Variants in SP4 observed in about 807,000 individuals in gnomAD.
SP4 encodes the protein Sp4 transcription factor.
SP4 carries 19 observed loss-of-function variants against 72.8 expected under a neutral mutation model. The ratio of observed to expected loss-of-function variants is 0.26; its 90% CI spans 0.18 to 0.38. The LOEUF (loss-of-function observed/expected upper bound fraction) is 0.38. Among genes scored for constraint, SP4 ranks in the 10% least tolerant of loss-of-function variants. SP4 has a pLI of 1.00. For missense variants in SP4, 1,008 were observed against 926.3 expected (o/e 1.09, Z -1.14); for synonymous variants, 395 against 333.1 (o/e 1.19, Z -2.02).
intron 3 of SP4, among the ~76,000 whole-genome samples, chr7:21,469,287 T>C (rs1205437774): frequency 6.6e-6 from 1 of 152,140 alleles, no homozygotes; most frequent in Admixed American, 6.5e-5. Flanking sequence ...TCAAAATACA[T>C]TGAACAAAGA....
intron 5 of SP4, among the ~76,000 whole-genome samples, chr7:21,505,597 C>G (rs887314570): frequency 8.5e-5 from 13 of 152,170 alleles, no homozygotes; most frequent in African/African-American, 3.1e-4. Context: ...ATCCTAAAGT[C>G]TAGGGGACAT....
chr7:21,504,277 CTATT>C (rs1352002373), intron 5 of SP4, among the ~76,000 whole-genome samples: 1 of 152,166 alleles, frequency 6.6e-6, no homozygotes, highest in African/African-American at 2.4e-5. Context: ...TTTTCCCCTG[CTATT>C]TATTAGACCC....
intron 3 of SP4, among the ~76,000 whole-genome samples, chr7:21,467,211 A>G (rs1784193566): frequency 6.6e-6 from 1 of 152,098 alleles, no homozygotes; most frequent in African/African-American, 2.4e-5. Context: ...GACAACCAAA[A>G]ATGTCTCCAG....
At chr7:21,509,970 A>T (rs1782101344) in intron 5 of SP4, among the ~76,000 whole-genome samples, 1 of 152,210 alleles carries the variant, frequency 6.6e-6, no homozygotes, top group Admixed American at 6.5e-5. Context: ...TCTCGTGTGG[A>T]TGGTGGCAGG....
At chr7:21,442,038 ATTTTTTTTT>A (rs11300598) in intron 3 of SP4, among the ~76,000 whole-genome samples, 1 of 93,328 alleles carries the variant, frequency 1.1e-5, no homozygotes, top group Non-Finnish European at 2.0e-5. Context: ...GTGTGTGTGT[ATTTTTTTTT>A]TTTTTTTTTG....
At chr7:21,474,639 T>A (rs910291645) in intron 3 of SP4, among the ~76,000 whole-genome samples, 3 of 152,210 alleles carry the variant, frequency 2.0e-5, no homozygotes. Context: ...CCCTGGAAAA[T>A]CAACTTGATC....
intron 1 of SP4, 45 bp downstream of exon 1, chr7:21,428,303 TCTCCCTCC>T (rs773721181): frequency 1.9e-6 from 2 of 1,056,138 alleles, no homozygotes; most frequent in Non-Finnish European, 2.9e-6. Context: ...CGCCTCCCTC[TCTCCCTCC>T]CTCCCCAGAC....
In SP4 at chr7:21,430,502, T is replaced by C. The variant is rs1269548973; in HGVS notation, c.1337T>C (p.Leu446Pro). ...IQQQPLQNVQLQAVNPTQVLI... is the reference protein window; with the variant it reads ...IQQQPLQNVQPQAVNPTQVLI... ...CAGCAGCCTTTACAGAATGTTCAAC[T>C]TCAAGCAGTAAATCCGACTCAGGTG... The change falls in exon 3 of 6, where the codon CTT becomes CCT. Residue 446 changes from leucine (L) to proline (P), a missense_variant. Transcript: ENST00000222584. 1 of 1,613,456 alleles carries C rather than the reference T, an allele frequency of 6.2e-7. No homozygotes were observed. Among genetic ancestry groups the C allele is most frequent in the Non-Finnish European group, 8.5e-7 (1 of 1,179,634 alleles).
chr7:21,501,188 T>G (rs1242515417), intron 5 of SP4, among the ~76,000 whole-genome samples: 1 of 152,194 alleles, frequency 6.6e-6, no homozygotes, highest in Non-Finnish European at 1.5e-5. Flanking sequence ...CTTTCTTCGC[T>G]TTTATGGGCT....
intron 3 of SP4, among the ~76,000 whole-genome samples, chr7:21,459,775 C>T (rs2128401522): frequency 6.6e-6 from 1 of 152,334 alleles, no homozygotes; most frequent in Non-Finnish European, 1.5e-5. Flanking sequence ...ACTTTGTCCT[C>T]TTACCACTTC....
intron 3 of SP4, among the ~76,000 whole-genome samples, chr7:21,444,507 A>G (rs1783360200): frequency 3.3e-5 from 5 of 152,202 alleles, no homozygotes; most frequent in Admixed American, 2.0e-4. Context: ...TCATGGCCAC[A>G]TAGTGAATGA....
At chr7:21,461,316 A>C (rs1203868221) in intron 3 of SP4, among the ~76,000 whole-genome samples, 1 of 152,136 alleles carries the variant, frequency 6.6e-6, no homozygotes, top group Non-Finnish European at 1.5e-5. Flanking sequence ...CAGGCTGTGC[A>C]GGAGCCCACG....
chr7:21,434,611 C>T (rs1169093228), intron 3 of SP4, among the ~76,000 whole-genome samples: 8 of 151,924 alleles, frequency 5.3e-5, no homozygotes, highest in Admixed American at 3.3e-4. Flanking sequence ...TTTACTTTTA[C>T]TTTTAAAAAA....
intron 5 of SP4, among the ~76,000 whole-genome samples, chr7:21,497,283 C>G (rs570371021): frequency 1.1e-5 from 1 of 95,018 alleles, no homozygotes; most frequent in East Asian, 2.1e-4. Context: ...TGTTCCACCC[C>G]CTCTAGTGGC....
At chr7:21,505,703 G>T (rs1454587877) in intron 5 of SP4, among the ~76,000 whole-genome samples, 1 of 151,976 alleles carries the variant, frequency 6.6e-6, no homozygotes, top group Non-Finnish European at 1.5e-5. Flanking sequence ...CCACAGGGTG[G>T]TAGGTCTGGA....
intron 5 of SP4, among the ~76,000 whole-genome samples, chr7:21,483,426 T>TA (rs1007893513): frequency 7.9e-5 from 12 of 152,082 alleles, no homozygotes; most frequent in African/African-American, 2.9e-4. Flanking sequence ...TTTTTGTTTA[T>TA]AAATTTTTCT....
chr7:21,495,611 G>A (rs1781685846), intron 5 of SP4, among the ~76,000 whole-genome samples: 1 of 152,144 alleles, frequency 6.6e-6, no homozygotes, highest in Admixed American at 6.5e-5. Flanking sequence ...GCAAGTACTG[G>A]TGAGGATGCA....
chr7:21,438,239 TA>T (rs1462024864), intron 3 of SP4, among the ~76,000 whole-genome samples: 1 of 152,192 alleles, frequency 6.6e-6, no homozygotes, highest in Non-Finnish European at 1.5e-5. Context: ...AGTCTTCTTC[TA>T]ATTCTAAAAT....
chr7:21,485,593 G>A (rs567703698), intron 5 of SP4, among the ~76,000 whole-genome samples: 21 of 151,976 alleles, frequency 1.4e-4, no homozygotes, highest in Middle Eastern at 3.4e-3. Flanking sequence ...CTTGCATTTA[G>A]AATTAAGGAT....
Sources: allele counts gnomAD v4.1 joint callset (sites outside exome capture counted in the v4.1 genomes callset), GRCh38; gene constraint gnomAD v4.1.1; transcripts MANE v1.5; gene names NCBI Gene and HGNC (gene_info 2026-07-23, HGNC 2026-07-21).